HS3ST4: variants seen among roughly 807,000 people sequenced by gnomAD.
HS3ST4 encodes heparan sulfate-glucosamine 3-sulfotransferase 4.
HS3ST4 carries 17 observed loss-of-function variants against 29.2 expected under a neutral mutation model. The observed-to-expected ratio is 0.58, with a 90% CI of 0.40 to 0.87. HS3ST4 has a LOEUF of 0.87. Ranked by LOEUF, HS3ST4 falls within the 40% of genes least tolerant of loss-of-function variation. The probability of loss-of-function intolerance (pLI) is 0.00; values close to 1 mark genes in which losing one functional copy is unlikely to be tolerated. For synonymous variants in HS3ST4, 314 were observed against 285.7 expected (o/e 1.10, Z -1.00); for missense variants, 627 against 634.5 (o/e 0.99, Z 0.13).
intron 1 of HS3ST4, among the ~76,000 whole-genome samples, chr16:25,868,574 C>T (rs976508012): frequency 2.6e-5 from 4 of 152,176 alleles, no homozygotes; most frequent in African/African-American, 9.6e-5. Context: ...TAAACAGAGA[C>T]CATTTGGTGA....
chr16:25,788,466 C>T (rs917978092), intron 1 of HS3ST4, among the ~76,000 whole-genome samples: 1 of 149,940 alleles, frequency 6.7e-6, no homozygotes, highest in Non-Finnish European at 1.5e-5. Context: ...GAATAATCTA[C>T]GTATTATTTC....
rs151007675 is a variant in HS3ST4 at position 25,975,052 on chromosome 16, G to C, written c.735-160560G>C. On this transcript the variant is annotated intron_variant, in intron 1 of 1. Coordinates refer to ENST00000331351, the MANE Select transcript of HS3ST4 (RefSeq NM_006040.3). ...CTTCTGCTCTTACCATTTACATCCA[G>C]TGATACATCAGCAATCCTGATATTT... is the stretch of plus-strand genomic sequence containing the variant. 6.1e-4 allele frequency among the ~76,000 whole-genome samples: 93 copies of C among 152,086 alleles called. 2 individuals are homozygous for C. In the East Asian group the frequency reaches 0.015, roughly 25 times the overall value.
At chr16:25,913,915 T>C (rs1163055741) in intron 1 of HS3ST4, among the ~76,000 whole-genome samples, 4 of 146,180 alleles carry the variant, frequency 2.7e-5, no homozygotes, top group African/African-American at 1.0e-4. Flanking sequence ...TGTGTGCATA[T>C]GTATGTAGGG....
intron 1 of HS3ST4, among the ~76,000 whole-genome samples, chr16:26,081,287 CAA>C (rs11305983): frequency 6.1e-4 from 80 of 131,010 alleles, no homozygotes; most frequent in African/African-American, 1.7e-3. Flanking sequence ...AATCCTGTCT[CAA>C]AAAAAAAAAA....
chr16:25,919,089 G>C (rs746137732), intron 1 of HS3ST4, among the ~76,000 whole-genome samples: 1 of 152,194 alleles, frequency 6.6e-6, no homozygotes, highest in Non-Finnish European at 1.5e-5. Context: ...GCAGTGGTGT[G>C]AACATAGCTC....
intron 1 of HS3ST4, among the ~76,000 whole-genome samples, chr16:25,752,613 T>C (rs1271343005): frequency 2.6e-5 from 4 of 152,218 alleles, no homozygotes; most frequent in Non-Finnish European, 5.9e-5. Context: ...ATTTTCTCAA[T>C]AGCCACATGA....
intron 1 of HS3ST4, among the ~76,000 whole-genome samples, chr16:26,088,567 A>G (rs1898816955): frequency 6.6e-6 from 1 of 152,210 alleles, no homozygotes; most frequent in Non-Finnish European, 1.5e-5. Flanking sequence ...GAGGCTGATA[A>G]GTTCACACAG....
chr16:25,906,899 A>G (rs1022709386), intron 1 of HS3ST4, among the ~76,000 whole-genome samples: 2 of 152,188 alleles, frequency 1.3e-5, no homozygotes, highest in Non-Finnish European at 2.9e-5. Flanking sequence ...TGTCTTGATT[A>G]AAGATTATGC....
intron 1 of HS3ST4, among the ~76,000 whole-genome samples, chr16:25,965,833 C>T (rs557539975): frequency 3.0e-4 from 45 of 152,278 alleles, no homozygotes; most frequent in African/African-American, 1.0e-3. Flanking sequence ...AGGACCTCCT[C>T]TGTACATAAT....
At chr16:25,961,208 T>G (rs1487476012) in intron 1 of HS3ST4, among the ~76,000 whole-genome samples, 6 of 152,204 alleles carry the variant, frequency 3.9e-5, no homozygotes, top group Non-Finnish European at 8.8e-5. Context: ...TCCCAATATG[T>G]ATCCTGGGAT....
chr16:26,054,111 AGG>A (rs1898377527), intron 1 of HS3ST4, among the ~76,000 whole-genome samples: 5 of 152,164 alleles, frequency 3.3e-5, no homozygotes, highest in Admixed American at 3.3e-4. Flanking sequence ...GAGATTTAGC[AGG>A]TGGAGACAAT....
chr16:26,021,055 A>G (rs1048343831), intron 1 of HS3ST4, among the ~76,000 whole-genome samples: 1 of 152,212 alleles, frequency 6.6e-6, no homozygotes, highest in Non-Finnish European at 1.5e-5. Flanking sequence ...GTGATTGTTA[A>G]TATTTGAACA....
intron 1 of HS3ST4, among the ~76,000 whole-genome samples, chr16:25,881,270 CT>C (rs1445489353): frequency 3.3e-5 from 5 of 152,058 alleles, no homozygotes; most frequent in Non-Finnish European, 7.4e-5. Flanking sequence ...GGTTTTTGGT[CT>C]GTCGATATAA....
intron 1 of HS3ST4, among the ~76,000 whole-genome samples, chr16:26,105,850 G>T (rs146400342): frequency 1.4e-3 from 213 of 152,296 alleles, no homozygotes; most frequent in African/African-American, 4.9e-3. Context: ...TGCACATATC[G>T]AATTGCCTCT....
intron 1 of HS3ST4, among the ~76,000 whole-genome samples, chr16:25,848,286 G>A (rs555089098): frequency 1.3e-5 from 2 of 151,930 alleles, no homozygotes; most frequent in South Asian, 2.1e-4. Context: ...TTACAGGCGT[G>A]TGCCACCACG....
intron 1 of HS3ST4, among the ~76,000 whole-genome samples, chr16:25,695,289 C>T (rs1046044058): frequency 1.1e-4 from 17 of 152,344 alleles, no homozygotes; most frequent in African/African-American, 4.1e-4. Context: ...ACCCCAGCAT[C>T]TAGTCCAGGG....
intron 1 of HS3ST4, among the ~76,000 whole-genome samples, chr16:26,088,778 C>T (rs766130145): frequency 4.6e-5 from 7 of 152,194 alleles, no homozygotes; most frequent in Non-Finnish European, 1.0e-4. Context: ...AAGTATGCTG[C>T]ATCTCCTCCA....
Position 26,132,640 on chromosome 16 carries a change from A to T in HS3ST4, c.735-2972A>T, listed in dbSNP as rs545635968. ...ATCTTGACAGATCGTCAATCAGCTGAAGTAAAGGAGATGAATTTGAATGGG... is the reference window on the plus strand; with the variant it reads ...ATCTTGACAGATCGTCAATCAGCTGTAGTAAAGGAGATGAATTTGAATGGG... On this transcript the variant is annotated intron_variant, in intron 1 of 1. Coordinates refer to ENST00000331351, the MANE Select transcript of HS3ST4 (RefSeq NM_006040.3). Among the ~76,000 whole-genome samples the T allele has an allele frequency of 1.1e-4, 17 of 152,320 alleles. No homozygotes were observed. The South Asian group carries it at 3.5e-3, about 32-fold the overall frequency.
intron 1 of HS3ST4, among the ~76,000 whole-genome samples, chr16:25,892,487 G>A (rs543114481): frequency 6.6e-6 from 1 of 152,308 alleles, no homozygotes; most frequent in East Asian, 1.9e-4. Flanking sequence ...AGCAGCCTAC[G>A]CCATTGTGAC....
Sources: allele counts gnomAD v4.1 joint callset (sites outside exome capture counted in the v4.1 genomes callset), GRCh38; gene constraint gnomAD v4.1.1; transcripts MANE v1.5; gene names NCBI Gene and HGNC (gene_info 2026-07-23, HGNC 2026-07-21).